DIP2C: variants seen among roughly 807,000 people sequenced by gnomAD.
DIP2C encodes disco-interacting protein 2 homolog C.
Under a neutral mutation model 192.4 loss-of-function variants are expected in DIP2C, and 33 were observed. The observed-to-expected ratio is 0.17, with a 90% CI of 0.13 to 0.23. DIP2C has a LOEUF of 0.23. Among genes scored for constraint, DIP2C ranks in the 10% least tolerant of loss-of-function variants. DIP2C has a pLI of 1.00. For missense variants in DIP2C, 1,537 were observed against 2,110.1 expected, an observed-to-expected ratio of 0.73 and a Z score of 5.32; for synonymous variants, 979 against 864.1, an observed-to-expected ratio of 1.13 and a Z score of -2.33.
At position 553,017 on chromosome 10, in the gene DIP2C, C is replaced by T. The variant is rs562153918; in HGVS notation, c.86-66487G>A. On this transcript the variant is annotated intron_variant, in intron 1 of 36. Transcript: ENST00000280886. ...GAAGAAGCCAGTATTTCCTATTTTA[C>T]TGAGGATATCCACATAAATTTCTAT... Among the ~76,000 whole-genome samples the T allele has an allele frequency of 9.2e-5, 14 of 152,358 alleles. No homozygotes were observed. The South Asian group carries it at 2.9e-3, about 32-fold the overall frequency.
intron 32 of DIP2C, among the ~76,000 whole-genome samples, chr10:305,359 C>T (rs1462762703): frequency 2.0e-5 from 3 of 152,176 alleles, no homozygotes; most frequent in African/African-American, 7.2e-5. Flanking sequence ...AGGACCTGAT[C>T]GGGTGAAAGG....
intron 1 of DIP2C, among the ~76,000 whole-genome samples, chr10:544,407 G>T (rs111961157): frequency 6.6e-6 from 1 of 152,208 alleles, no homozygotes; most frequent in South Asian, 2.1e-4. Flanking sequence ...TCTTGCATAA[G>T]ATTTTTTTGT....
chr10:517,139 G>A (rs1032660963), intron 1 of DIP2C, among the ~76,000 whole-genome samples: 6 of 151,852 alleles, frequency 4.0e-5, no homozygotes, highest in African/African-American at 7.3e-5. Context: ...CTGCATGGCC[G>A]CCCCTCTCCG....
rs149682517 is a variant in DIP2C, at chr10:435,051, T to A, written c.394+5820A>T. On this transcript the variant is annotated intron_variant, in intron 4 of 36. Transcript: ENST00000280886. ...GTGTCTGGCATTAATCTGAGGAAAT[T>A]CAGCCATTAATGTTAAAAATACTTC... 8.3e-3 allele frequency among the ~76,000 whole-genome samples: 1,268 copies of A among 152,310 alleles called. 15 individuals are homozygous for A. Among genetic ancestry groups the A allele is most frequent in the African/African-American group, 0.026 (1,067 of 41,566 alleles).
rs1013709798 is a variant in DIP2C at position 369,367 on chromosome 10, G to A, written c.2131+127C>T. The A allele has an allele frequency of 5.8e-6, 7 of 1,197,684 alleles. No homozygotes were observed. In the South Asian group the frequency reaches 1.3e-4, roughly 22 times the overall value. The allele number at this position is 1,197,684 out of a possible 1,614,324, so 74.2% of individuals were successfully genotyped here. Reference sequence around the variant, plus strand: ...CCTAACAAAGACTTCAGAAGACTGGGAGTGAGGCTCTCAGCCTGAGGGCAC... The same window carrying A: ...CCTAACAAAGACTTCAGAAGACTGGAAGTGAGGCTCTCAGCCTGAGGGCAC... On this transcript the variant is annotated intron_variant, in intron 18 of 36. Transcript: ENST00000280886.
intron 1 of DIP2C, among the ~76,000 whole-genome samples, chr10:626,198 G>A (rs767777892): frequency 1.6e-4 from 25 of 152,272 alleles, no homozygotes; most frequent in Admixed American, 2.6e-4. Flanking sequence ...CACCTGTGAC[G>A]GGGACAGTCA....
chr10:356,305 A>T, intron 24 of DIP2C, 121 bp downstream of exon 24: 1 of 1,178,268 alleles, frequency 8.5e-7, no homozygotes, highest in Non-Finnish European at 1.2e-6. Context: ...ATAGCAAAAC[A>T]TAAAAAGAAT....
At chr10:330,243 A>C (rs1403147153) in intron 29 of DIP2C, among the ~76,000 whole-genome samples, 1 of 152,224 alleles carries the variant, frequency 6.6e-6, no homozygotes, top group Non-Finnish European at 1.5e-5. Flanking sequence ...ATTTTTACTA[A>C]AAAGGATCCC....
At chr10:679,446 A>C (rs1241008780) in intron 1 of DIP2C, among the ~76,000 whole-genome samples, 1 of 52,992 alleles carries the variant, frequency 1.9e-5, no homozygotes. Context: ...CCCCACACCC[A>C]GGCTCCCTGC....
At position 689,381 on chromosome 10, in the gene DIP2C, C is replaced by T; in HGVS notation, c.85+113G>A. ...GCGCACGCTCCGGGCTGGGGTCGCA[C>T]CTCCCCCTCCGGGCCCGGCCCCCGC... On this transcript the variant is annotated intron_variant, in intron 1 of 36. Coordinates refer to ENST00000280886, the MANE Select transcript of DIP2C (RefSeq NM_014974.3). This position sits in a 1 kb window ranked among gnomAD's most constrained non-coding sequence, Gnocchi z 6.1. 2 of 547,748 alleles carry T rather than the reference C, an allele frequency of 3.7e-6. No homozygotes were observed. The highest frequency in any genetic ancestry group is 4.7e-6 in the Non-Finnish European group (2 of 427,674). 33.9% of individuals were successfully genotyped at this position (547,748 alleles called of 1,614,324 possible).
chr10:450,640 G>A (rs1276695593), intron 3 of DIP2C, among the ~76,000 whole-genome samples: 1 of 152,224 alleles, frequency 6.6e-6, no homozygotes, highest in Non-Finnish European at 1.5e-5. Flanking sequence ...CTCCACGCAT[G>A]AGCAGCCACA....
rs140437755 is a variant in DIP2C at position 415,794 on chromosome 10, G to T, written c.834C>A (p.Val278=). Residue 278 remains valine (V), a synonymous_variant, in exon 7 of 37, where the codon GTC becomes GTA. Transcript: ENST00000280886. ...CTTCTAATAATTCTTCAAAGTCATC[G>T]ACAAAGAATTCTCGTAAAGGTGGTC... The part of the protein sequence containing the change: ...PKRPPLREFF[V]DDFEELLEVQ... 2 of 1,613,980 alleles carry T rather than the reference G, an allele frequency of 1.2e-6. No homozygotes were observed. The highest frequency in any genetic ancestry group is 2.2e-5 in the South Asian group (2 of 91,048).
At chr10:438,112 C>T (rs1967418852) in intron 4 of DIP2C, among the ~76,000 whole-genome samples, 1 of 152,176 alleles carries the variant, frequency 6.6e-6, no homozygotes, top group Non-Finnish European at 1.5e-5. Flanking sequence ...TATAAAAATG[C>T]TAGTCAAATC....
At chr10:297,300 C>A (rs1267670911) in intron 32 of DIP2C, among the ~76,000 whole-genome samples, 1 of 135,198 alleles carries the variant, frequency 7.4e-6, no homozygotes, top group Non-Finnish European at 1.5e-5. Flanking sequence ...AACTACCATA[C>A]GATCCAACAA....
At chr10:397,621 C>T (rs535397036) in intron 10 of DIP2C, among the ~76,000 whole-genome samples, 1 of 152,124 alleles carries the variant, frequency 6.6e-6, no homozygotes. Context: ...TCCCTTGGGG[C>T]GCGTGCTGCT....
intron 1 of DIP2C, among the ~76,000 whole-genome samples, chr10:594,476 C>T (rs921157568): frequency 7.9e-5 from 12 of 151,252 alleles, no homozygotes; most frequent in African/African-American, 2.4e-4. Flanking sequence ...ACCATTTCAA[C>T]GTAAGGGAAC....
intron 1 of DIP2C, chr10:661,997 C>T (rs1264794874): frequency 2.8e-6 from 2 of 711,782 alleles, no homozygotes; most frequent in Admixed American, 2.0e-5. Flanking sequence ...GCCTTCTCTC[C>T]TCCTCTCGCC....
chr10:525,413 T>C (rs1846991188), intron 1 of DIP2C, among the ~76,000 whole-genome samples: 1 of 152,086 alleles, frequency 6.6e-6, no homozygotes, highest in South Asian at 2.1e-4. Flanking sequence ...ATACATACAT[T>C]TGTGATGGAC....
intron 1 of DIP2C, among the ~76,000 whole-genome samples, chr10:540,510 C>G (rs1847921285): frequency 6.6e-6 from 1 of 152,214 alleles, no homozygotes; most frequent in Non-Finnish European, 1.5e-5. Flanking sequence ...CTTGCCCCTT[C>G]TCTCACTGAA....
Sources: gnomAD v4.1 joint callset for allele counts (sites outside exome capture counted in the v4.1 genomes callset) on GRCh38, gnomAD v4.1.1 for gene constraint, Gnocchi (gnomAD v3.1) non-coding constraint, MANE v1.5 for transcripts, NCBI Gene and HGNC (gene_info 2026-07-23, HGNC 2026-07-21) for gene names.